Variants in CCDC146 observed in about 807,000 individuals in gnomAD.
The protein encoded by CCDC146 is coiled-coil domain containing 146.
CCDC146 carries 92 observed loss-of-function variants against 119.3 expected under a neutral mutation model. The ratio of observed to expected loss-of-function variants is 0.77; its 90% CI spans 0.65 to 0.92. CCDC146 has a LOEUF of 0.92. CCDC146 is among the 40% of genes least tolerant of loss of function. CCDC146 has a pLI of 0.00. For synonymous variants in CCDC146, 372 were observed against 371.8 expected, an observed-to-expected ratio of 1.00 and a Z score of -0.01; for missense variants, 1,000 against 1,103.0, an observed-to-expected ratio of 0.91 and a Z score of 1.32.
At chr7:77,213,768 A>G (rs1792247865) in intron 2 of CCDC146, among the ~76,000 whole-genome samples, 2 of 152,336 alleles carry the variant, frequency 1.3e-5, no homozygotes, top group Admixed American at 1.3e-4. Flanking sequence ...AATGGCCTCC[A>G]GCTGTATTCA....
In CCDC146 at chr7:77,262,277, T is replaced by G. The variant is rs781093147; in HGVS notation, c.1143T>G (p.Thr381=). The G allele has an allele frequency of 6.2e-7, 1 of 1,610,956 alleles. No individual in the cohort carries two copies. The highest frequency in any genetic ancestry group is 1.1e-5 in the South Asian group (1 of 90,284). Residue 381 remains threonine, a synonymous_variant, in exon 9 of 19, where the codon ACT becomes ACG. Transcript: ENST00000285871. ...TGTCCTGGGATGCACTTAGGCAAAC[T>G]CAAGCACTGCATCAAAGGCTTCTAT... The part of the protein sequence containing the change: ...LKVSWDALRQ[T]QALHQRLLLE...
intron 11 of CCDC146, 108 bp from the exon 12 acceptor site, chr7:77,278,642 ACT>A (rs775297133): frequency 2.4e-4 from 176 of 746,690 alleles, no homozygotes; most frequent in Non-Finnish European, 3.7e-4. Flanking sequence ...ATGAGGTCTC[ACT>A]ATGTTGCCTA....
intron 2 of CCDC146, among the ~76,000 whole-genome samples, chr7:77,228,524 G>A (rs1792561551): frequency 6.6e-6 from 1 of 152,218 alleles, no homozygotes; most frequent in East Asian, 1.9e-4. Flanking sequence ...GTTCCATGGT[G>A]TATGTGTACC....
intron 4 of CCDC146, among the ~76,000 whole-genome samples, chr7:77,253,629 T>C (rs1793121380): frequency 6.6e-6 from 1 of 152,224 alleles, no homozygotes; most frequent in African/African-American, 2.4e-5. Flanking sequence ...AAGACAATGA[T>C]GATGCAGTGG....
intron 2 of CCDC146, among the ~76,000 whole-genome samples, chr7:77,179,059 CA>C (rs2150415035): frequency 6.6e-6 from 1 of 152,106 alleles, no homozygotes; most frequent in East Asian, 1.9e-4. Flanking sequence ...ACAGGTAAAT[CA>C]GTTAAATGAG....
rs199901563 is a variant in CCDC146 at position 77,280,578 on chromosome 7, C to G, written c.1844C>G (p.Thr615Arg). The change falls in exon 14 of 19, where the codon ACG (threonine) becomes AGG (arginine). Residue 615 changes from threonine (T) to arginine (R), a missense_variant. By Grantham distance (71) the Thr-to-Arg change is moderately conservative. This residue lies in a region of CCDC146 where 985 missense variants were observed against 1,045.3 expected (regional missense o/e 0.94). Transcript: ENST00000285871. Reference protein sequence around the residue: ...QLNNIDRLANTITMIEEEMVQ... With the variant: ...QLNNIDRLANRITMIEEEMVQ... ...AATAACATTGACAGACTTGCCAACA[C>G]GATCACAATGATCGAAGAGGAGATG... 18 of 1,614,024 alleles carry G rather than the reference C, an allele frequency of 1.1e-5. No individual in the cohort carries two copies. The African/African-American group carries it at 1.3e-4, about 12-fold the overall frequency.
chr7:77,269,461 A>G (rs1396001655), intron 9 of CCDC146, among the ~76,000 whole-genome samples: 1 of 151,846 alleles, frequency 6.6e-6, no homozygotes, highest in African/African-American at 2.4e-5. Flanking sequence ...ATTCTTGGCT[A>G]TCTGCTTATA....
intron 4 of CCDC146, among the ~76,000 whole-genome samples, chr7:77,243,188 A>G (rs918797799): frequency 6.6e-6 from 1 of 152,218 alleles, no homozygotes; most frequent in Non-Finnish European, 1.5e-5. Context: ...AAAATTTCCA[A>G]CTGTTCCTGC....
intron 1 of CCDC146, among the ~76,000 whole-genome samples, chr7:77,147,759 G>T (rs758750949): frequency 6.6e-6 from 1 of 152,208 alleles, no homozygotes; most frequent in Admixed American, 6.5e-5. Context: ...CTGCCTGATC[G>T]TTCCTCTGGA....
intron 2 of CCDC146, chr7:77,193,715 A>G (rs759760444): frequency 1.3e-5 from 2 of 152,164 alleles, no homozygotes; most frequent in Non-Finnish European, 2.9e-5. Context: ...GTCATAGGTA[A>G]ATCAGCTCCA....
intron 2 of CCDC146, among the ~76,000 whole-genome samples, chr7:77,174,793 T>A (rs1284275709): frequency 6.6e-6 from 1 of 152,240 alleles, no homozygotes; most frequent in East Asian, 1.9e-4. Flanking sequence ...AAATGGATTA[T>A]TTCCTGTTTT....
chr7:77,239,578 G>A (rs1172084092), intron 3 of CCDC146, among the ~76,000 whole-genome samples: 1 of 152,222 alleles, frequency 6.6e-6, no homozygotes, highest in African/African-American at 2.4e-5. Context: ...CAAGTCATTG[G>A]GCGTCTCTGC....
chr7:77,246,437 G>A (rs1792953315), intron 4 of CCDC146: 1 of 152,192 alleles, frequency 6.6e-6, no homozygotes, highest in South Asian at 2.1e-4. Flanking sequence ...CTTTAGAAAG[G>A]AAGTAAATCC....
intron 2 of CCDC146, among the ~76,000 whole-genome samples, chr7:77,169,521 C>T (rs1791385881): frequency 6.6e-6 from 1 of 152,260 alleles, no homozygotes; most frequent in African/African-American, 2.4e-5. Flanking sequence ...TGGTGATTTT[C>T]TAATTCCATC....
At chr7:77,131,524 C>T (rs889908556) in intron 1 of CCDC146, among the ~76,000 whole-genome samples, 1 of 151,928 alleles carries the variant, frequency 6.6e-6, no homozygotes, top group African/African-American at 2.4e-5. Context: ...TTGAGACCAG[C>T]TTGGCCAACG....
chr7:77,279,145 T>A, intron 13 of CCDC146, 44 bp downstream of exon 13: 1 of 1,584,760 alleles, frequency 6.3e-7, no homozygotes, highest in Non-Finnish European at 8.6e-7. Flanking sequence ...GCTTGTTTTC[T>A]GATTCATTTG....
At chr7:77,153,340 G>T (rs533220705) in intron 1 of CCDC146, among the ~76,000 whole-genome samples, 24 of 152,010 alleles carry the variant, frequency 1.6e-4, no homozygotes, top group African/African-American at 5.8e-4. Context: ...AATTAGGTAA[G>T]ATATATACAC....
chr7:77,236,068 C>CATAAATAAATAAATTAA (rs1554355426), intron 2 of CCDC146, among the ~76,000 whole-genome samples: 1 of 147,404 alleles, frequency 6.8e-6, no homozygotes, highest in Non-Finnish European at 1.5e-5. Context: ...GAGACTCCGT[C>CATAAATAAATAAATTAA]ATAAATAAAT....
At chr7:77,190,613 G>A (rs138589340) in intron 2 of CCDC146, among the ~76,000 whole-genome samples, 64 of 152,258 alleles carry the variant, frequency 4.2e-4, no homozygotes, top group Non-Finnish European at 1.2e-4. Context: ...AGCAAGGGGG[G>A]GCCCACTCAT....
Sources: allele counts gnomAD v4.1 joint callset (sites outside exome capture counted in the v4.1 genomes callset), GRCh38; gene constraint gnomAD v4.1.1; regional missense constraint gnomAD v4.1.1; transcripts MANE v1.5; gene names NCBI Gene and HGNC (gene_info 2026-07-23, HGNC 2026-07-21).